Variants in SATB2 observed in about 807,000 individuals in gnomAD.
The protein encoded by SATB2 is DNA-binding protein SATB2.
In SATB2, 1 loss-of-function variant was observed where a neutral mutation model predicts 73.4. The ratio of observed to expected loss-of-function variants is 0.01; its 90% CI spans 0.00 to 0.06. SATB2 has a LOEUF of 0.06. Among genes scored for constraint, SATB2 ranks in the 10% least tolerant of loss-of-function variants. The pLI is 1.00. For synonymous variants in SATB2, 397 were observed against 367.0 expected (o/e 1.08, Z -0.93); for missense variants, 459 against 945.8 (o/e 0.49, Z 6.75).
rs61568459 is a variant in SATB2 at position 199,386,716 on chromosome 2, GCA to G, written c.347-4898_347-4897del. Among the ~76,000 whole-genome samples, 77 of 9,258 alleles carry G rather than the reference GCA, an allele frequency of 8.3e-3. 1 individual carries two copies. Among genetic ancestry groups the G allele is most frequent in the African/African-American group, 0.011 (66 of 6,270 alleles). The allele number at this position is 9,258 out of a possible 152,430, so 6.1% of individuals were successfully genotyped here. A position where few individuals can be genotyped will look rare whatever the true frequency, so the allele number is the denominator to read the frequency against. ...CGCAAGCGCGCGCGCGCGCGCGCGC[GCA>G]CACACACACACACACACACACACAC... On this transcript the variant is annotated intron_variant, in intron 3 of 10. Transcript: ENST00000417098.
intron 10 of SATB2, among the ~76,000 whole-genome samples, chr2:199,296,551 G>T (rs1040293393): frequency 1.3e-5 from 2 of 152,060 alleles, no homozygotes; most frequent in African/African-American, 4.8e-5. Flanking sequence ...AATTAGCTAG[G>T]GATGGTAGTG....
Position 199,463,230 on chromosome 2 carries a change from G to A in SATB2, c.-141+1606C>T, listed in dbSNP as rs891027759. 6.6e-6 allele frequency among the ~76,000 whole-genome samples: 1 copy of A among 152,278 alleles called. No individual in the cohort carries two copies. Among genetic ancestry groups the A allele is most frequent in the African/African-American group, 2.4e-5 (1 of 41,576 alleles). ...TAGGTGGGTCCCCTTCTGCAACCAC[G>A]CTGCGAGAGAATGACTGCCCTGCTA... On this transcript the variant is annotated intron_variant, in intron 1 of 11. Coordinates refer to the SATB2 transcript ENST00000260926. This position sits in a 1 kb window ranked among gnomAD's most constrained non-coding sequence, Gnocchi z 6.4.
chr2:199,307,581 T>C (rs1475845522), intron 10 of SATB2, among the ~76,000 whole-genome samples: 1 of 152,190 alleles, frequency 6.6e-6, no homozygotes, highest in Non-Finnish European at 1.5e-5. Context: ...TAAGCCTAAT[T>C]GCCAAACTAT....
chr2:199,466,168 A>T (rs1315002175), upstream of SATB2, among the ~76,000 whole-genome samples: 1 of 152,098 alleles, frequency 6.6e-6, no homozygotes, highest in Non-Finnish European at 1.5e-5. Context: ...TGCACATTCC[A>T]AGTGAAGGAC....
chr2:199,360,810 T>C (rs191647981), intron 6 of SATB2, among the ~76,000 whole-genome samples: 31 of 152,236 alleles, frequency 2.0e-4, no homozygotes, highest in Admixed American at 3.9e-4. Context: ...AGTAGATGCA[T>C]AGGCTTCCCT....
intron 5 of SATB2, among the ~76,000 whole-genome samples, chr2:199,377,347 C>T (rs1451654150): frequency 6.6e-6 from 1 of 152,202 alleles, no homozygotes; most frequent in Non-Finnish European, 1.5e-5. Flanking sequence ...CACTACACTT[C>T]AGCCTGGGTG....
At chr2:199,293,502 C>G (rs908203133) in intron 10 of SATB2, among the ~76,000 whole-genome samples, 2 of 151,920 alleles carry the variant, frequency 1.3e-5, no homozygotes, top group Admixed American at 1.3e-4. Context: ...ACAGAACAAA[C>G]CTATTATTAA....
intron 3 of SATB2, among the ~76,000 whole-genome samples, chr2:199,404,558 A>C (rs1010861748): frequency 4.6e-5 from 7 of 152,228 alleles, no homozygotes; most frequent in Non-Finnish European, 8.8e-5. Flanking sequence ...ATATATTCTT[A>C]GCATAAGGAA....
chr2:199,372,022 C>A (rs988013585), intron 5 of SATB2, among the ~76,000 whole-genome samples: 1 of 152,072 alleles, frequency 6.6e-6, no homozygotes, highest in South Asian at 2.1e-4. Context: ...CGAGACACAG[C>A]CACAAACACC....
intron 3 of SATB2, among the ~76,000 whole-genome samples, chr2:199,407,545 G>A (rs963011051): frequency 3.3e-5 from 5 of 152,082 alleles, no homozygotes; most frequent in African/African-American, 1.2e-4. Context: ...AAGTTATTAA[G>A]TGAAGTCAGG....
In SATB2 at chr2:199,417,525, T is replaced by C. The variant is rs1162025188; in HGVS notation, c.346+15813A>G. Among the ~76,000 whole-genome samples, 5 of 152,180 alleles carry C rather than the reference T, an allele frequency of 3.3e-5. No individual in the cohort carries two copies. The South Asian group carries it at 1.0e-3, about 32-fold the overall frequency. ...CGACTGTGGGAAGAGTTGGATTAAA[T>C]AAAATGGCTTCACTGTAGTCAAGCT... On this transcript the variant is annotated intron_variant, in intron 3 of 10. Coordinates refer to ENST00000417098, the MANE Select transcript of SATB2 (RefSeq NM_001172509.2).
chr2:199,308,671 G>T lies in SATB2; in HGVS notation c.1740+89C>A. On this transcript the variant is annotated intron_variant, in intron 10 of 10. Transcript: ENST00000417098. The surrounding 1 kb of genome is among the most constrained non-coding windows in gnomAD (Gnocchi z 4.6). ...CATGAGACACCCTCTGACAGAAGTT[G>T]GTGTGGTGTGTGCCACTTGGACCCT... The T allele has an allele frequency of 9.4e-7, 1 of 1,067,522 alleles. No homozygotes were observed. Among genetic ancestry groups the T allele is most frequent in the Non-Finnish European group, 1.4e-6 (1 of 698,302 alleles). 66.1% of individuals were successfully genotyped at this position (1,067,522 alleles called of 1,614,324 possible). A position where few individuals can be genotyped will look rare whatever the true frequency, so the allele number is the denominator to read the frequency against.
chr2:199,314,741 A>C (rs1687684391), intron 9 of SATB2, among the ~76,000 whole-genome samples: 1 of 152,098 alleles, frequency 6.6e-6, no homozygotes, highest in African/African-American at 2.4e-5. Context: ...GAGAGGACTG[A>C]AAGTCTAGAA....
At chr2:199,378,590 T>G (rs1370446373) in intron 5 of SATB2, among the ~76,000 whole-genome samples, 1 of 152,202 alleles carries the variant, frequency 6.6e-6, no homozygotes, top group African/African-American at 2.4e-5. Flanking sequence ...TATACGTGAA[T>G]GCATGCCTTC....
chr2:199,335,313 T>C (rs1559167849), intron 7 of SATB2, among the ~76,000 whole-genome samples: 1 of 152,128 alleles, frequency 6.6e-6, no homozygotes, highest in Non-Finnish European at 1.5e-5. Flanking sequence ...TCTGCAAATA[T>C]AAATGCATAT....
In SATB2 at chr2:199,317,290, C is replaced by T. The variant is rs186469800; in HGVS notation, c.1542+6513G>A. ...TGAAAAGAAGATTAAATAGTCTCAACAGCAAAGTGGTAGCAACCATTCATA... is the reference window on the plus strand; with the variant it reads ...TGAAAAGAAGATTAAATAGTCTCAATAGCAAAGTGGTAGCAACCATTCATA... On this transcript the variant is annotated intron_variant, in intron 9 of 10. Transcript: ENST00000417098. Among the ~76,000 whole-genome samples, 2 of 152,190 alleles carry T rather than the reference C, an allele frequency of 1.3e-5. 1 individual carries two copies. The highest frequency in any genetic ancestry group is 4.8e-5 in the African/African-American group (2 of 41,472).
At chr2:199,388,428 G>T (rs2105877706) in intron 3 of SATB2, among the ~76,000 whole-genome samples, 1 of 152,226 alleles carries the variant, frequency 6.6e-6, no homozygotes, top group South Asian at 2.1e-4. Flanking sequence ...GCCTACAACA[G>T]GCTGCCTGTG....
rs1431691000 is a variant in SATB2, at chr2:199,369,403, G to A, written c.598-696C>T. On this transcript the variant is annotated intron_variant, in intron 5 of 10. Transcript: ENST00000417098. ...ATTAATCATTGGGGTTAAAAGAGAAGTGGAGCATAGCCTGACATAGCACTG... is the reference window on the plus strand; with the variant it reads ...ATTAATCATTGGGGTTAAAAGAGAAATGGAGCATAGCCTGACATAGCACTG... Among the ~76,000 whole-genome samples the A allele has an allele frequency of 2.6e-5, 4 of 152,156 alleles. No individual in the cohort carries two copies. In the East Asian group the frequency reaches 7.7e-4, roughly 29 times the overall value.
At chr2:199,382,042 A>C (rs995085546) in intron 3 of SATB2, among the ~76,000 whole-genome samples, 1 of 152,180 alleles carries the variant, frequency 6.6e-6, no homozygotes, top group African/African-American at 2.4e-5. Flanking sequence ...ACAGACAATC[A>C]GTTCTTTTAT....
Sources: allele counts gnomAD v4.1 joint callset (sites outside exome capture counted in the v4.1 genomes callset), GRCh38; gene constraint gnomAD v4.1.1; non-coding constraint Gnocchi (gnomAD v3.1); transcripts MANE v1.5; gene names NCBI Gene and HGNC (gene_info 2026-07-23, HGNC 2026-07-21).